DGKG: variants seen among roughly 807,000 people sequenced by gnomAD.
DGKG encodes the protein DAG kinase gamma.
Under a neutral mutation model 105.3 loss-of-function variants are expected in DGKG, and 78 were observed. That is an observed-to-expected ratio of 0.74 (90% CI 0.62 to 0.89). DGKG has a LOEUF of 0.89. DGKG is among the 40% of genes least tolerant of loss of function. The pLI is 0.00. For missense variants in DGKG, 958 were observed against 1,020.1 expected, an observed-to-expected ratio of 0.94 and a Z score of 0.83; for synonymous variants, 346 against 367.1, an observed-to-expected ratio of 0.94 and a Z score of 0.66.
chr3:186,158,927 G>A, intron 24 of DGKG: 1 of 716,632 alleles, frequency 1.4e-6, no homozygotes, highest in Non-Finnish European at 1.7e-6. Context: ...CCTAAAATTA[G>A]CATAATTAAC....
chr3:186,204,836 A>G (rs115845529), intron 21 of DGKG, among the ~76,000 whole-genome samples: 2,444 of 152,210 alleles, frequency 0.016, 63 homozygotes, highest in African/African-American at 0.055. Flanking sequence ...ATTGGCGTGT[A>G]TTGCTGAACC....
intron 24 of DGKG, among the ~76,000 whole-genome samples, chr3:186,153,059 G>A (rs1428791593): frequency 2.0e-5 from 3 of 151,002 alleles, no homozygotes; most frequent in Non-Finnish European, 4.4e-5. Flanking sequence ...AGTACCTCCA[G>A]GGCACGGAAG....
chr3:186,320,263 G>T (rs1578830271), intron 2 of DGKG, 130 bp downstream of exon 2: 2 of 1,071,308 alleles, frequency 1.9e-6, no homozygotes, highest in Admixed American at 2.7e-5. Context: ...GTGTTTATAA[G>T]GAAATATAAG....
chr3:186,314,210 C>T (rs1724701616), intron 2 of DGKG, among the ~76,000 whole-genome samples: 1 of 135,952 alleles, frequency 7.4e-6, no homozygotes, highest in Non-Finnish European at 1.7e-5. Context: ...CACACACACA[C>T]ACACACACAC....
At chr3:186,283,077 T>A (rs1411653915) in intron 7 of DGKG, among the ~76,000 whole-genome samples, 3 of 151,896 alleles carry the variant, frequency 2.0e-5, no homozygotes, top group African/African-American at 7.3e-5. Context: ...CCCGGCTAAT[T>A]TTTGTATTTT....
At chr3:186,151,972 G>T (rs1286480482) in intron 24 of DGKG, among the ~76,000 whole-genome samples, 2 of 152,260 alleles carry the variant, frequency 1.3e-5, no homozygotes, top group Non-Finnish European at 2.9e-5. Context: ...CCAGCTACGT[G>T]GGAGGCTGAG....
chr3:186,188,481 A>C, intron 21 of DGKG, 102 bp from the exon 22 acceptor site: 8 of 1,212,316 alleles, frequency 6.6e-6, no homozygotes, highest in Non-Finnish European at 9.2e-6. Context: ...TACTCTCTTA[A>C]AGGATGTGAC....
At chr3:186,188,973 C>G (rs1001618853) in intron 21 of DGKG, among the ~76,000 whole-genome samples, 1 of 152,092 alleles carries the variant, frequency 6.6e-6, no homozygotes, top group African/African-American at 2.4e-5. Flanking sequence ...TGCCACCATG[C>G]CTGGCTAGTT....
chr3:186,357,938 G>C (rs1040629545), intron 1 of DGKG, among the ~76,000 whole-genome samples: 1 of 152,216 alleles, frequency 6.6e-6, no homozygotes, highest in Non-Finnish European at 1.5e-5. Context: ...CCGAGGAACT[G>C]AATTTTAAAT....
At chr3:186,327,421 C>G (rs1182500559) in intron 1 of DGKG, among the ~76,000 whole-genome samples, 1 of 143,330 alleles carries the variant, frequency 7.0e-6, no homozygotes, top group Admixed American at 7.1e-5. Context: ...TGGTTTCTCT[C>G]TGTCACCCAT....
rs573300433 is a variant in DGKG, at chr3:186,342,807, G to A, written c.-249+19139C>T. ...GATTAGATGAGATTCTGGAATAGAGGCAGCCTGAAGTTTTCCAAAATGGGG... is the reference window on the plus strand; with the variant it reads ...GATTAGATGAGATTCTGGAATAGAGACAGCCTGAAGTTTTCCAAAATGGGG... On this transcript the variant is annotated intron_variant, in intron 1 of 24. Transcript: ENST00000265022. Among the ~76,000 whole-genome samples the A allele has an allele frequency of 3.3e-5, 5 of 152,208 alleles. No homozygotes were observed. In the East Asian group the frequency reaches 7.7e-4, roughly 23 times the overall value.
intron 24 of DGKG, chr3:186,161,039 G>T: frequency 1.0e-6 from 1 of 986,548 alleles, no homozygotes; most frequent in Non-Finnish European, 1.2e-6. Flanking sequence ...TAGATAACCT[G>T]CGTGGTGACT....
chr3:186,176,778 G>A (rs1560081599), intron 22 of DGKG, among the ~76,000 whole-genome samples: 2 of 152,250 alleles, frequency 1.3e-5, no homozygotes. Context: ...ATCCAAGTAA[G>A]TGATTAACAC....
chr3:186,271,036 T>A (rs904019254), intron 11 of DGKG, among the ~76,000 whole-genome samples: 3 of 152,156 alleles, frequency 2.0e-5, no homozygotes, highest in Non-Finnish European at 4.4e-5. Flanking sequence ...CCATGCAGTG[T>A]CCATGGGGCA....
intron 22 of DGKG, among the ~76,000 whole-genome samples, chr3:186,174,328 G>C (rs1182602976): frequency 1.3e-5 from 2 of 152,172 alleles, no homozygotes; most frequent in Admixed American, 1.3e-4. Flanking sequence ...TACTCAAGAA[G>C]TTCCGACTTT....
chr3:186,225,557 C>T (rs958265345), intron 20 of DGKG, among the ~76,000 whole-genome samples: 5 of 152,154 alleles, frequency 3.3e-5, no homozygotes, highest in Admixed American at 1.3e-4. Flanking sequence ...TTTACATACA[C>T]ACCTGAAGCC....
At chr3:186,295,991 C>T (rs13086383) in intron 5 of DGKG, among the ~76,000 whole-genome samples, 39,750 of 151,914 alleles carry the variant, frequency 0.26, 5,802 homozygotes, top group Non-Finnish European at 0.34. Flanking sequence ...CTCTTGTAAT[C>T]CCAGCTACTC....
Position 186,361,385 on chromosome 3 carries a change from A to T in DGKG, c.-249+561T>A, listed in dbSNP as rs1423550614. ...ATCTTGTGACTCTGAGACTACACAG[A>T]TCAACCTCAGATTCGACCCTTCCCT... is the stretch of plus-strand genomic sequence containing the variant. On this transcript the variant is annotated intron_variant, in intron 1 of 24. Transcript: ENST00000265022. This position sits in a 1 kb window ranked among gnomAD's most constrained non-coding sequence, Gnocchi z 6.8. 6.6e-6 allele frequency among the ~76,000 whole-genome samples: 1 copy of T among 152,092 alleles called. No individual in the cohort carries two copies. Among genetic ancestry groups the T allele is most frequent in the East Asian group, 1.9e-4 (1 of 5,168 alleles).
chr3:186,206,838 C>T (rs181205838), intron 21 of DGKG, among the ~76,000 whole-genome samples: 53 of 152,264 alleles, frequency 3.5e-4, no homozygotes, highest in Admixed American at 3.9e-4. Flanking sequence ...CAACCTCTGC[C>T]TCATGAGTTC....
Sources: gnomAD v4.1 joint callset for allele counts (sites outside exome capture counted in the v4.1 genomes callset) on GRCh38, gnomAD v4.1.1 for gene constraint, Gnocchi (gnomAD v3.1) non-coding constraint, MANE v1.5 for transcripts, NCBI Gene and HGNC (gene_info 2026-07-23, HGNC 2026-07-21) for gene names.